The following HACL1 variants were observed in gnomAD, a reference collection of about 807,000 sequenced individuals.
HACL1 encodes 2-hydroxyacyl-CoA lyase 1.
HACL1 carries 64 observed loss-of-function variants against 74.2 expected under a neutral mutation model. The ratio of observed to expected loss-of-function variants is 0.86; its 90% CI spans 0.70 to 1.06. HACL1 has a LOEUF of 1.06. Ranked by LOEUF, HACL1 falls within the 50% of genes least tolerant of loss-of-function variation. HACL1 has a pLI of 0.00. For synonymous variants in HACL1, 230 were observed against 238.8 expected (o/e 0.96, Z 0.34); for missense variants, 728 against 719.7 (o/e 1.01, Z -0.13).
At chr3:15,590,991 G>C (rs1019104590) in intron 4 of HACL1, among the ~76,000 whole-genome samples, 30 of 152,322 alleles carry the variant, frequency 2.0e-4, no homozygotes, top group African/African-American at 6.7e-4. Flanking sequence ...TGACGCAGGA[G>C]AATCACTTGA....
intron 13 of HACL1, 125 bp downstream of exon 13, chr3:15,568,307 T>G: frequency 1.5e-6 from 1 of 676,938 alleles, no homozygotes; most frequent in South Asian, 2.1e-5. Flanking sequence ...GATACTTTTA[T>G]GAAATATGTC....
intron 3 of HACL1, among the ~76,000 whole-genome samples, chr3:15,592,102 C>T (rs949498546): frequency 1.4e-5 from 2 of 140,436 alleles, no homozygotes; most frequent in African/African-American, 2.8e-5. Context: ...ACACTATATA[C>T]GTATATATAC....
At position 15,601,090 on chromosome 3, in the gene HACL1, C is replaced by G; in HGVS notation, c.186G>C (p.Ala62=). The part of the protein sequence containing the change: ...IKYIGMRNEQ[A]ACYAASAIGY... Reference sequence around the variant, plus strand: ...TTCAGCCACCTGAGTCCATACTCACCGCTTGCTCATTCCTCATCCCGATGT... The same window carrying G: ...TTCAGCCACCTGAGTCCATACTCACGGCTTGCTCATTCCTCATCCCGATGT... Residue 62 remains alanine (A), a splice_region_variant and synonymous_variant, in exon 2 of 17, where the codon GCG becomes GCC. Coordinates refer to ENST00000321169, the MANE Select transcript of HACL1 (RefSeq NM_012260.4). 1 of 1,601,842 alleles carries G rather than the reference C, an allele frequency of 6.2e-7. No homozygotes were observed. Among genetic ancestry groups the G allele is most frequent in the Non-Finnish European group, 8.6e-7 (1 of 1,168,750 alleles).
chr3:15,588,804 A>ATTTTTTTTTTTTTTTTTTTTTTT (rs1553644278), intron 5 of HACL1, among the ~76,000 whole-genome samples: 15 of 149,644 alleles, frequency 1.0e-4, no homozygotes, highest in South Asian at 2.2e-4. Context: ...GTTTCTTTTA[A>ATTTTTTTTTTTTTTTTTTTTTTT]TTTTGACATG....
At chr3:15,576,191 A>G (rs2063624598) in intron 9 of HACL1, among the ~76,000 whole-genome samples, 1 of 148,068 alleles carries the variant, frequency 6.8e-6, no homozygotes, top group African/African-American at 2.5e-5. Flanking sequence ...TTCCTTTCTC[A>G]TTAAGTTCTT....
chr3:15,578,216 T>C (rs111989071), intron 9 of HACL1, among the ~76,000 whole-genome samples: 1 of 152,150 alleles, frequency 6.6e-6, no homozygotes, highest in Non-Finnish European at 1.5e-5. Context: ...ACTTAGAGAT[T>C]CATCTGTCTA....
intron 16 of HACL1, among the ~76,000 whole-genome samples, chr3:15,562,767 C>T (rs955210377): frequency 7.2e-5 from 11 of 152,174 alleles, no homozygotes; most frequent in African/African-American, 2.2e-4. Flanking sequence ...ATCAACACTG[C>T]AGTTTCACCC....
In HACL1 at chr3:15,585,333, T is replaced by C. The variant is rs763607622; in HGVS notation, c.469A>G (p.Ser157Gly). 1.2e-5 allele frequency: 19 copies of C among 1,579,420 alleles called. No homozygotes were observed. The South Asian group carries it at 1.9e-4, about 16-fold the overall frequency. Reference protein sequence around the residue: ...IPFVIEKAVRSSIYGRPGACY... With the variant: ...IPFVIEKAVRGSIYGRPGACY... ...GCACCTGGACGACCATAGATACTGCTTCTCACTGCCTACGTTCATTACAAG... is the reference window on the plus strand; with the variant it reads ...GCACCTGGACGACCATAGATACTGCCTCTCACTGCCTACGTTCATTACAAG... The change falls in exon 7 of 17, where the codon AGC becomes GGC. Residue 157 changes from serine (S) to glycine (G), a missense_variant. Coordinates refer to ENST00000321169, the MANE Select transcript of HACL1 (RefSeq NM_012260.4).
intron 9 of HACL1, among the ~76,000 whole-genome samples, chr3:15,576,287 T>C (rs1056366364): frequency 2.0e-5 from 3 of 152,034 alleles, no homozygotes; most frequent in African/African-American, 7.2e-5. Context: ...AGATATTTTG[T>C]TATTAATAGT....
chr3:15,571,594 CAT>C (rs754050325), intron 12 of HACL1, 72 bp downstream of exon 12: 45 of 789,978 alleles, frequency 5.7e-5, no homozygotes, highest in South Asian at 2.8e-5. Context: ...TAGGAATGCA[CAT>C]GTCACATTAC....
chr3:15,586,472 G>T, intron 6 of HACL1, 53 bp downstream of exon 6: 1 of 907,074 alleles, frequency 1.1e-6, no homozygotes, highest in Non-Finnish European at 1.8e-6. Context: ...CAGTAAGTAT[G>T]AGCAACTGAG....
In HACL1 at chr3:15,601,331, G is replaced by A. The variant is rs1339993225; in HGVS notation, c.81+52C>T. 5.0e-6 allele frequency: 8 copies of A among 1,609,928 alleles called. No individual in the cohort carries two copies. The Admixed American group carries it at 1.2e-4, about 24-fold the overall frequency. On this transcript the variant is annotated intron_variant, in intron 1 of 16. Transcript: ENST00000321169. ...CTACTCGTCTCCAAGACAACATCGC[G>A]GTCCCCGCCAGCTTCCGTAGGAGCC...
At chr3:15,589,826 G>C (rs1332374496) in intron 4 of HACL1, among the ~76,000 whole-genome samples, 5 of 151,790 alleles carry the variant, frequency 3.3e-5, no homozygotes, top group Non-Finnish European at 7.4e-5. Context: ...CTTGAAATCA[G>C]GAGTTCAAGA....
intron 6 of HACL1, among the ~76,000 whole-genome samples, chr3:15,586,060 C>G (rs966480619): frequency 6.6e-6 from 1 of 152,004 alleles, no homozygotes; most frequent in African/African-American, 2.4e-5. Context: ...TATATATATG[C>G]AAATATTCTA....
intron 14 of HACL1, among the ~76,000 whole-genome samples, chr3:15,565,810 C>T (rs185297617): frequency 3.9e-5 from 6 of 152,158 alleles, no homozygotes; most frequent in South Asian, 2.1e-4. Context: ...GTTCTGCATC[C>T]GTGGATTTAA....
At position 15,582,993 on chromosome 3, in the gene HACL1, GAA is replaced by G. The variant is rs775262985; in HGVS notation, c.555-6_555-5del. 2.8e-6 allele frequency: 4 copies of G among 1,443,438 alleles called. No individual in the cohort carries two copies. In the East Asian group the frequency reaches 9.1e-5, roughly 33 times the overall value. 89.4% of individuals were successfully genotyped at this position (1,443,438 alleles called of 1,614,324 possible). A position where few individuals can be genotyped will look rare whatever the true frequency, so the allele number is the denominator to read the frequency against. On this transcript the variant is annotated splice_polypyrimidine_tract_variant and splice_region_variant and intron_variant, in intron 7 of 16. Coordinates refer to ENST00000321169, the MANE Select transcript of HACL1 (RefSeq NM_012260.4). ...TGACATGCAGCGTTCCATGTACCTG[GAA>G]AAAAAGAGCCCTATTAATTAAAAGA...
At position 15,571,122 on chromosome 3, in the gene HACL1, G is replaced by A. The variant is rs200244960; in HGVS notation, c.1095+546C>T. Among the ~76,000 whole-genome samples the A allele has an allele frequency of 5.3e-5, 8 of 151,960 alleles. No individual in the cohort carries two copies. In the East Asian group the frequency reaches 1.5e-3, roughly 29 times the overall value. ...GCCTCCTGAGGAGACAAGACAACAG[G>A]TGTGTGCCACCACATCTGGCTTTTC... On this transcript the variant is annotated intron_variant, in intron 12 of 16. Transcript: ENST00000321169.
chr3:15,598,360 T>C (rs2064111084), intron 2 of HACL1, among the ~76,000 whole-genome samples: 1 of 152,202 alleles, frequency 6.6e-6, no homozygotes, highest in African/African-American at 2.4e-5. Context: ...GTTCCTCTAC[T>C]AAACTACCTC....
chr3:15,600,889 C>A, intron 2 of HACL1: 1 of 610,234 alleles, frequency 1.6e-6, no homozygotes, highest in Non-Finnish European at 3.0e-6. Flanking sequence ...AGCTGTGTCA[C>A]CAAAGGCAAG....
Sources: allele counts gnomAD v4.1 joint callset (sites outside exome capture counted in the v4.1 genomes callset), GRCh38; gene constraint gnomAD v4.1.1; transcripts MANE v1.5; gene names NCBI Gene and HGNC (gene_info 2026-07-23, HGNC 2026-07-21).